The following SLC26A7 variants were observed in gnomAD, a reference collection of about 807,000 sequenced individuals.
SLC26A7 encodes the protein solute carrier family 26 member 7.
Under a neutral mutation model 82.5 loss-of-function variants are expected in SLC26A7, and 59 were observed. The ratio of observed to expected loss-of-function variants is 0.72; its 90% CI spans 0.58 to 0.89. SLC26A7 has a LOEUF of 0.89. Ranked by LOEUF, SLC26A7 falls within the 40% of genes least tolerant of loss-of-function variation. The probability of loss-of-function intolerance (pLI) is 0.00; values close to 1 mark genes in which losing one functional copy is unlikely to be tolerated. For synonymous variants in SLC26A7, 271 were observed against 274.3 expected, an observed-to-expected ratio of 0.99 and a Z score of 0.12; for missense variants, 820 against 793.0, an observed-to-expected ratio of 1.03 and a Z score of -0.41.
At chr8:91,385,865 G>T (rs1814785773) in intron 15 of SLC26A7, among the ~76,000 whole-genome samples, 1 of 152,104 alleles carries the variant, frequency 6.6e-6, no homozygotes, top group South Asian at 2.1e-4. Context: ...ACAAAAACTT[G>T]TTTAAGAATT....
chr8:91,382,901 AC>A (rs1157700968), intron 15 of SLC26A7, among the ~76,000 whole-genome samples: 2 of 152,062 alleles, frequency 1.3e-5, no homozygotes, highest in Non-Finnish European at 2.9e-5. Flanking sequence ...TTACAAGAAC[AC>A]TCTTCATTTT....
At chr8:91,278,665 C>T (rs1044459078) in intron 2 of SLC26A7, among the ~76,000 whole-genome samples, 5 of 151,882 alleles carry the variant, frequency 3.3e-5, no homozygotes, top group African/African-American at 1.2e-4. Context: ...TTATGAAGTA[C>T]AACATGATGT....
chr8:91,346,863 T>A (rs1169562510), intron 9 of SLC26A7, among the ~76,000 whole-genome samples: 1 of 152,192 alleles, frequency 6.6e-6, no homozygotes, highest in Non-Finnish European at 1.5e-5. Context: ...CCTTTGTCTT[T>A]GAGGCTGCCT....
chr8:91,322,432 T>A (rs775216358), intron 5 of SLC26A7, among the ~76,000 whole-genome samples: 1 of 152,182 alleles, frequency 6.6e-6, no homozygotes, highest in East Asian at 1.9e-4. Flanking sequence ...ATTGTTCTAT[T>A]CTTGGCTTCC....
rs186465610 is a variant in SLC26A7, at chr8:91,364,629, A to C, written c.1488+1091A>C. ...CCCTGTGTATCCACACCACAAGTAC[A>C]CATGTATTAGCCCTGATCTCCTTAG... On this transcript the variant is annotated intron_variant, in intron 13 of 18. Coordinates refer to ENST00000276609, the MANE Select transcript of SLC26A7 (RefSeq NM_052832.4). Among the ~76,000 whole-genome samples, 3 of 152,322 alleles carry C rather than the reference A, an allele frequency of 2.0e-5. No homozygotes were observed. The East Asian group carries it at 5.8e-4, about 29-fold the overall frequency.
chr8:91,236,898 A>G lies in SLC26A7; in HGVS notation c.-33-12721A>G, dbSNP rs187778811. ...CCCAGGGCCATTTATCACCACACTA[A>G]TGTCTAATATTTATCAATTGCTTAC... On this transcript the variant is annotated intron_variant, in intron 2 of 5. Coordinates refer to the SLC26A7 transcript ENST00000522862. 9.6e-4 allele frequency among the ~76,000 whole-genome samples: 146 copies of G among 152,298 alleles called. 2 individuals are homozygous for G. Among genetic ancestry groups the G allele is most frequent in the Non-Finnish European group, 3.7e-4 (25 of 68,016 alleles).
intron 13 of SLC26A7, among the ~76,000 whole-genome samples, chr8:91,363,883 A>G (rs1278589540): frequency 6.6e-6 from 1 of 152,082 alleles, no homozygotes; most frequent in Non-Finnish European, 1.5e-5. Context: ...TCTGAATTAA[A>G]TCATGGAGGA....
chr8:91,347,328 A>G (rs1813589538), intron 9 of SLC26A7, among the ~76,000 whole-genome samples: 1 of 152,204 alleles, frequency 6.6e-6, no homozygotes. Context: ...CAGAAACATA[A>G]TATGAGCTAC....
chr8:91,372,922 A>G (rs774846125), intron 15 of SLC26A7, among the ~76,000 whole-genome samples: 7 of 151,752 alleles, frequency 4.6e-5, no homozygotes, highest in African/African-American at 7.2e-5. Context: ...TTGTAGTTCT[A>G]CTTGTAGAGG....
At chr8:91,386,556 T>C (rs1814804906) in intron 15 of SLC26A7, among the ~76,000 whole-genome samples, 1 of 152,192 alleles carries the variant, frequency 6.6e-6, no homozygotes, top group African/African-American at 2.4e-5. Flanking sequence ...GGTTTAAGTC[T>C]TTCATTTAAT....
At chr8:91,215,706 C>T (rs975676880) in intron 1 of SLC26A7, among the ~76,000 whole-genome samples, 1 of 152,114 alleles carries the variant, frequency 6.6e-6, no homozygotes, top group Non-Finnish European at 1.5e-5. Flanking sequence ...CTTGGCTTGA[C>T]AGAAAGGATA....
At chr8:91,370,475 T>A (rs1814326410) in intron 15 of SLC26A7, among the ~76,000 whole-genome samples, 2 of 152,068 alleles carry the variant, frequency 1.3e-5, no homozygotes, top group Admixed American at 6.6e-5. Flanking sequence ...AATATATCTT[T>A]GAATACATTT....
rs1563719808 is a variant in SLC26A7 at position 91,397,195 on chromosome 8, T to C, written c.*2098T>C. ...CAATGTAAAGGAAGACCAAACCATG[T>C]ACCTTATGAAGACCTTTGTTTTAAG... On this transcript the variant is annotated 3_prime_UTR_variant, in exon 19 of 19. Transcript: ENST00000276609. 6.6e-6 allele frequency: 1 copy of C among 152,116 alleles called. No homozygotes were observed. Among genetic ancestry groups the C allele is most frequent in the Non-Finnish European group, 1.5e-5 (1 of 67,974 alleles). The allele number at this position is 152,116 out of a possible 1,614,324, so 9.4% of individuals were successfully genotyped here. A position where few individuals can be genotyped will look rare whatever the true frequency, so the allele number is the denominator to read the frequency against.
intron 2 of SLC26A7, among the ~76,000 whole-genome samples, chr8:91,261,134 A>G (rs1268523182): frequency 6.6e-6 from 1 of 152,100 alleles, no homozygotes; most frequent in Admixed American, 6.6e-5. Flanking sequence ...AATTCTTGGA[A>G]GTGCTTACCA....
chr8:91,394,459 T>G, intron 18 of SLC26A7: 1 of 1,393,504 alleles, frequency 7.2e-7, no homozygotes, highest in Non-Finnish European at 9.3e-7. Context: ...TTGGAAATAC[T>G]ATTTGTAGAA....
chr8:91,219,401 A>G (rs911374075), intron 2 of SLC26A7, among the ~76,000 whole-genome samples: 1 of 152,124 alleles, frequency 6.6e-6, no homozygotes, highest in Non-Finnish European at 1.5e-5. Context: ...GTCGTATTAT[A>G]TTTGTGTGAT....
At chr8:91,343,263 A>G (rs1813467949) in intron 8 of SLC26A7, 90 bp from the exon 9 acceptor site, 2 of 794,008 alleles carry the variant, frequency 2.5e-6, no homozygotes, top group Non-Finnish European at 4.1e-6. Flanking sequence ...TCTGAATACA[A>G]ACAAGCCTCA....
At chr8:91,338,104 G>C in intron 6 of SLC26A7, 46 bp from the exon 7 acceptor site, 1 of 1,410,334 alleles carries the variant, frequency 7.1e-7, no homozygotes, top group Non-Finnish European at 9.7e-7. Context: ...TGTTTGAGAG[G>C]TCAGTAATGT....
intron 4 of SLC26A7, among the ~76,000 whole-genome samples, chr8:91,309,379 A>G (rs2130796334): frequency 6.6e-6 from 1 of 151,832 alleles, no homozygotes; most frequent in African/African-American, 2.4e-5. Flanking sequence ...CATTACCAGA[A>G]TGATCATTCT....
Sources: allele counts gnomAD v4.1 joint callset (sites outside exome capture counted in the v4.1 genomes callset), GRCh38; gene constraint gnomAD v4.1.1; transcripts MANE v1.5; gene names NCBI Gene and HGNC (gene_info 2026-07-23, HGNC 2026-07-21).